The following MINDY2 variants were observed in gnomAD, a reference collection of about 807,000 sequenced individuals.
The protein encoded by MINDY2 is MINDY lysine 48 deubiquitinase 2, also known as ubiquitin carboxyl-terminal hydrolase MINDY-2.
MINDY2 carries 52 observed loss-of-function variants against 68.2 expected under a neutral mutation model. The observed-to-expected ratio is 0.76, with a 90% CI of 0.61 to 0.96. The LOEUF (loss-of-function observed/expected upper bound fraction) is 0.96, where lower values mean the gene tolerates loss of function less well. Ranked by LOEUF, MINDY2 falls within the 40% of genes least tolerant of loss-of-function variation. The pLI is 0.00. For synonymous variants in MINDY2, 372 were observed against 303.0 expected, an observed-to-expected ratio of 1.23 and a Z score of -2.36; for missense variants, 881 against 773.4, an observed-to-expected ratio of 1.14 and a Z score of -1.65.
chr15:58,791,217 A>ATATATATATATATATG (rs1901876882), intron 2 of MINDY2, among the ~76,000 whole-genome samples: 1 of 15,458 alleles, frequency 6.5e-5, no homozygotes, highest in Non-Finnish European at 8.5e-5. Context: ...AAGCAATTTT[A>ATATATATATATATATG]TATATATATA....
At chr15:58,794,952 C>T (rs1029761523) in intron 2 of MINDY2, among the ~76,000 whole-genome samples, 2 of 151,818 alleles carry the variant, frequency 1.3e-5, no homozygotes, top group African/African-American at 4.8e-5. Context: ...CTTTGGGAGG[C>T]CGAGGTGGGC....
chr15:58,783,315 A>G (rs932547791), intron 1 of MINDY2, among the ~76,000 whole-genome samples: 12 of 152,312 alleles, frequency 7.9e-5, no homozygotes, highest in African/African-American at 2.9e-4. Context: ...TTGGAACTCA[A>G]ACTGTGTGTT....
chr15:58,791,413 G>C (rs1003021452), intron 2 of MINDY2, among the ~76,000 whole-genome samples: 5 of 150,954 alleles, frequency 3.3e-5, no homozygotes, highest in African/African-American at 1.2e-4. Context: ...CCAGGAGTTT[G>C]AGGCCAGCCT....
intron 4 of MINDY2, among the ~76,000 whole-genome samples, chr15:58,820,942 T>C (rs539671686): frequency 6.6e-6 from 1 of 150,812 alleles, no homozygotes; most frequent in South Asian, 2.1e-4. Flanking sequence ...ATAAATAATT[T>C]ATAAATAAAT....
intron 6 of MINDY2, among the ~76,000 whole-genome samples, chr15:58,832,172 A>T (rs2031760123): frequency 6.7e-6 from 1 of 149,832 alleles, no homozygotes. Context: ...GTATTTTATT[A>T]TTTTCTTTCT....
intron 3 of MINDY2, among the ~76,000 whole-genome samples, chr15:58,804,955 C>T (rs1003964304): frequency 1.3e-5 from 2 of 152,074 alleles, no homozygotes; most frequent in Admixed American, 1.3e-4. Context: ...TATAGTAAGA[C>T]TCCATCTCAA....
chr15:58,804,805 C>CAAAAA (rs562018572), intron 3 of MINDY2, among the ~76,000 whole-genome samples: 11 of 127,822 alleles, frequency 8.6e-5, no homozygotes, highest in Non-Finnish European at 1.7e-4. Flanking sequence ...GACCCTGTTA[C>CAAAAA]AAAAAAAAAA....
intron 2 of MINDY2, among the ~76,000 whole-genome samples, chr15:58,791,532 G>T (rs1321444577): frequency 6.6e-6 from 1 of 151,138 alleles, no homozygotes; most frequent in African/African-American, 2.4e-5. Flanking sequence ...TGGGAGGATT[G>T]CTTGGGCCTG....
chr15:58,794,105 G>A (rs1004184021), intron 2 of MINDY2, among the ~76,000 whole-genome samples: 26 of 152,020 alleles, frequency 1.7e-4, no homozygotes, highest in Non-Finnish European at 2.5e-4. Context: ...GTGGGGCCAG[G>A]GTTGTGCGGT....
Position 58,802,384 on chromosome 15 carries a change from A to C in MINDY2, c.963+7A>C. ...ACGTTTAAATTATGAACAGGTAATA[A>C]ACAGTTTTTGTTAAAGTATATAATT... On this transcript the variant is annotated splice_region_variant and intron_variant, in intron 3 of 8. Coordinates refer to ENST00000559228, the MANE Select transcript of MINDY2 (RefSeq NM_001040450.3). 1 of 1,552,810 alleles carries C rather than the reference A, an allele frequency of 6.4e-7. No homozygotes were observed. The highest frequency in any genetic ancestry group is 8.7e-7 in the Non-Finnish European group (1 of 1,144,398).
chr15:58,795,900 A>T (rs1474703637), intron 2 of MINDY2, among the ~76,000 whole-genome samples: 1 of 152,162 alleles, frequency 6.6e-6, no homozygotes, highest in African/African-American at 2.4e-5. Context: ...AGCTGGTAAG[A>T]TAGGAGAAAG....
chr15:58,845,914 G>A (rs1199952705), intron 6 of MINDY2, among the ~76,000 whole-genome samples: 2 of 152,088 alleles, frequency 1.3e-5, no homozygotes, highest in African/African-American at 4.8e-5. Context: ...TGGAACTGGA[G>A]GTCATAATGT....
chr15:58,810,402 T>A lies in MINDY2; in HGVS notation c.1122+14T>A. 1 of 1,547,766 alleles carries A rather than the reference T, an allele frequency of 6.5e-7. No individual in the cohort carries two copies. Among genetic ancestry groups the A allele is most frequent in the South Asian group, 1.2e-5 (1 of 82,104 alleles). ...GTAGACCCTCAGGTAAGTCGAAGAA[T>A]TTAAATTATGTAAACACAAATACAG... is the stretch of plus-strand genomic sequence containing the variant. On this transcript the variant is annotated intron_variant, in intron 4 of 8. Transcript: ENST00000559228.
intron 5 of MINDY2, 129 bp from the exon 6 acceptor site, chr15:58,831,645 T>C (rs1424500798): frequency 2.7e-6 from 2 of 728,854 alleles, no homozygotes; most frequent in Non-Finnish European, 4.3e-6. Context: ...GGAGCCATCA[T>C]AAAGTAGTAG....
chr15:58,799,426 G>T (rs926687975), intron 2 of MINDY2, among the ~76,000 whole-genome samples: 10 of 152,054 alleles, frequency 6.6e-5, no homozygotes, highest in African/African-American at 4.8e-5. Flanking sequence ...AATTAGCCAG[G>T]CGTGGTGGCG....
chr15:58,838,636 G>A (rs1221076926), intron 6 of MINDY2, among the ~76,000 whole-genome samples: 5 of 129,828 alleles, frequency 3.9e-5, no homozygotes, highest in African/African-American at 1.2e-4. Context: ...GCCCAGACTG[G>A]AGTGCGGTGG....
At chr15:58,792,088 G>C (rs1901978908) in intron 2 of MINDY2, among the ~76,000 whole-genome samples, 1 of 152,110 alleles carries the variant, frequency 6.6e-6, no homozygotes, top group African/African-American at 2.4e-5. Flanking sequence ...GCCATAAGGA[G>C]GTCATTGATA....
In MINDY2 at chr15:58,826,998, C is replaced by G. The variant is rs183826351; in HGVS notation, c.1226-4776C>G. Reference sequence around the variant, plus strand: ...TTTAAAATAGTCCAGGCCAGTTGTTCCACAGAATATTCCTCAATTTGGATT... The same window carrying G: ...TTTAAAATAGTCCAGGCCAGTTGTTGCACAGAATATTCCTCAATTTGGATT... On this transcript the variant is annotated intron_variant, in intron 5 of 8. Transcript: ENST00000559228. Among the ~76,000 whole-genome samples, 518 of 152,188 alleles carry G rather than the reference C, an allele frequency of 3.4e-3. 2 individuals carry two copies. Among genetic ancestry groups the G allele is most frequent in the African/African-American group, 0.012 (488 of 41,542 alleles).
intron 8 of MINDY2, among the ~76,000 whole-genome samples, chr15:58,853,022 G>A (rs1020764778): frequency 3.0e-5 from 1 of 33,810 alleles, no homozygotes; most frequent in South Asian, 2.3e-3. Flanking sequence ...GCGCAGTCTC[G>A]CTCATTGCCA....
Sources: gnomAD v4.1 joint callset for allele counts (sites outside exome capture counted in the v4.1 genomes callset) on GRCh38, gnomAD v4.1.1 for gene constraint, MANE v1.5 for transcripts, NCBI Gene and HGNC (gene_info 2026-07-23, HGNC 2026-07-21) for gene names.